GALNT10: variants seen among roughly 807,000 people sequenced by gnomAD.
GALNT10 encodes the protein GalNAc transferase 10.
GALNT10 carries 41 observed loss-of-function variants against 75.0 expected under a neutral mutation model. That is an observed-to-expected ratio of 0.55 (90% CI 0.43 to 0.71). The LOEUF is 0.71. Among genes scored for constraint, GALNT10 ranks in the 30% least tolerant of loss-of-function variants. The pLI is 0.00. For missense variants in GALNT10, 727 were observed against 818.5 expected (o/e 0.89, Z 1.36); for synonymous variants, 302 against 313.0 (o/e 0.96, Z 0.37).
chr5:154,278,158 A>G (rs1753978722), intron 1 of GALNT10, among the ~76,000 whole-genome samples: 1 of 152,232 alleles, frequency 6.6e-6, no homozygotes, highest in Non-Finnish European at 1.5e-5. Flanking sequence ...TGTCAGTTTG[A>G]AATCTTGGTG....
At chr5:154,413,228 C>T (rs1025443829) in intron 10 of GALNT10, among the ~76,000 whole-genome samples, 4 of 152,234 alleles carry the variant, frequency 2.6e-5, no homozygotes, top group Non-Finnish European at 5.9e-5. Flanking sequence ...AAATGATGGA[C>T]ACTCAGCCCA....
chr5:154,351,383 T>G (rs753664979), intron 4 of GALNT10, among the ~76,000 whole-genome samples: 1 of 152,258 alleles, frequency 6.6e-6, no homozygotes, highest in Non-Finnish European at 1.5e-5. Flanking sequence ...GGGGCTCACC[T>G]AAGGCAGTGC....
intron 1 of GALNT10, among the ~76,000 whole-genome samples, chr5:154,291,244 A>C (rs1754190848): frequency 6.6e-6 from 1 of 152,172 alleles, no homozygotes; most frequent in Non-Finnish European, 1.5e-5. Context: ...TCCCAGTAGC[A>C]CTGGAAGACT....
At chr5:154,349,832 A>G (rs1755180688) in intron 4 of GALNT10, 2 of 152,342 alleles carry the variant, frequency 1.3e-5, no homozygotes, top group Non-Finnish European at 2.9e-5. Flanking sequence ...ATGTCTGGTC[A>G]CCGTGGTTAT....
chr5:154,196,685 C>T (rs1774950334), intron 1 of GALNT10, among the ~76,000 whole-genome samples: 1 of 152,172 alleles, frequency 6.6e-6, no homozygotes, highest in Non-Finnish European at 1.5e-5. Context: ...AGACAGAGAA[C>T]ATCTTTTCTA....
chr5:154,305,390 C>T (rs1581965067), intron 3 of GALNT10, among the ~76,000 whole-genome samples: 1 of 151,642 alleles, frequency 6.6e-6, no homozygotes, highest in South Asian at 2.1e-4. Flanking sequence ...TGTAAATGCT[C>T]TAATTATTCT....
At chr5:154,349,411 G>C (rs1755173045) in intron 4 of GALNT10, 1 of 152,198 alleles carries the variant, frequency 6.6e-6, no homozygotes, top group South Asian at 2.1e-4. Flanking sequence ...AGAATTTCCA[G>C]ACATTTAAAA....
chr5:154,285,595 A>AT (rs1452247906), intron 1 of GALNT10, among the ~76,000 whole-genome samples: 2 of 152,018 alleles, frequency 1.3e-5, no homozygotes, highest in Non-Finnish European at 2.9e-5. Flanking sequence ...TAGTAACCCT[A>AT]TTTTTAAAAA....
At chr5:154,219,019 C>G (rs772221287) in intron 1 of GALNT10, among the ~76,000 whole-genome samples, 7 of 152,182 alleles carry the variant, frequency 4.6e-5, no homozygotes, top group Admixed American at 6.5e-5. Context: ...CCAGAGCCCT[C>G]CCCCGGCTCC....
At chr5:154,191,855 T>G (rs747090926) in intron 1 of GALNT10, among the ~76,000 whole-genome samples, 2 of 152,276 alleles carry the variant, frequency 1.3e-5, no homozygotes, top group Non-Finnish European at 2.9e-5. Flanking sequence ...TAGTGTTTAT[T>G]GCAGCCAAAA....
intron 1 of GALNT10, among the ~76,000 whole-genome samples, chr5:154,264,592 G>C (rs957735430): frequency 1.3e-5 from 2 of 152,092 alleles, no homozygotes; most frequent in Admixed American, 1.3e-4. Flanking sequence ...TGAGTAAGAA[G>C]AGTAAATCTT....
chr5:154,363,544 T>C (rs1418094297), intron 4 of GALNT10, among the ~76,000 whole-genome samples: 1 of 99,498 alleles, frequency 1.0e-5, no homozygotes, highest in African/African-American at 3.6e-5. Context: ...CTAACAACAA[T>C]GACAAAATCA....
chr5:154,253,331 G>A (rs999788640), intron 1 of GALNT10, among the ~76,000 whole-genome samples: 6 of 140,248 alleles, frequency 4.3e-5, no homozygotes, highest in African/African-American at 1.3e-4. Context: ...TCATAGGTGG[G>A]AATTGAACAA....
chr5:154,198,343 G>A (rs1052132967), intron 1 of GALNT10, among the ~76,000 whole-genome samples: 1 of 152,210 alleles, frequency 6.6e-6, no homozygotes, highest in African/African-American at 2.4e-5. Context: ...ACAATGCTTG[G>A]TACAGAACAA....
chr5:154,365,243 A>G (rs1021368078), intron 4 of GALNT10, among the ~76,000 whole-genome samples: 1 of 152,164 alleles, frequency 6.6e-6, no homozygotes, highest in African/African-American at 2.4e-5. Context: ...AAAATCACCA[A>G]AGGCATGTTC....
At chr5:154,405,753 G>T (rs1049942263) in intron 8 of GALNT10, among the ~76,000 whole-genome samples, 4 of 152,062 alleles carry the variant, frequency 2.6e-5, no homozygotes, top group African/African-American at 9.7e-5. Flanking sequence ...AGCTGAGGTG[G>T]GAAGATCACT....
At chr5:154,297,055 G>A in intron 2 of GALNT10, among the ~76,000 whole-genome samples, 1 of 152,214 alleles carries the variant, frequency 6.6e-6, no homozygotes, top group East Asian at 1.9e-4. Flanking sequence ...TTAACCCGTT[G>A]ATTTTATTGC....
intron 2 of GALNT10, 85 bp downstream of exon 2, chr5:154,295,003 TGTGTG>T: frequency 1.5e-6 from 1 of 660,124 alleles, no homozygotes. Context: ...TGTGTGTGTG[TGTGTG>T]TTCATGTGTG....
At chr5:154,241,291 G>A (rs1753332507) in intron 1 of GALNT10, among the ~76,000 whole-genome samples, 1 of 152,156 alleles carries the variant, frequency 6.6e-6, no homozygotes, top group Admixed American at 6.5e-5. Flanking sequence ...TGTGGGATTA[G>A]CCAGTTCAGA....
Sources: gnomAD v4.1 joint callset for allele counts (sites outside exome capture counted in the v4.1 genomes callset) on GRCh38, gnomAD v4.1.1 for gene constraint, MANE v1.5 for transcripts, NCBI Gene and HGNC (gene_info 2026-07-23, HGNC 2026-07-21) for gene names.